The following GRB10 variants were observed in gnomAD, a reference collection of about 807,000 sequenced individuals.
The protein encoded by GRB10 is growth factor receptor-bound protein 10.
Under a neutral mutation model 80.9 loss-of-function variants are expected in GRB10, and 20 were observed. That is an observed-to-expected ratio of 0.25 (90% CI 0.17 to 0.36). The LOEUF (loss-of-function observed/expected upper bound fraction) is 0.36, where lower values mean the gene tolerates loss of function less well. Ranked by LOEUF, GRB10 falls within the 10% of genes least tolerant of loss-of-function variation. GRB10 has a pLI of 1.00. For missense variants in GRB10, 548 were observed against 747.7 expected (o/e 0.73, Z 3.12); for synonymous variants, 291 against 291.5 (o/e 1.00, Z 0.02).
chr7:50,764,322 C>T lies in GRB10; in HGVS notation c.-216-8266G>A, dbSNP rs995814959. Among the ~76,000 whole-genome samples, 3 of 152,338 alleles carry T rather than the reference C, an allele frequency of 2.0e-5. No individual in the cohort carries two copies. The South Asian group carries it at 6.2e-4, about 32-fold the overall frequency. On this transcript the variant is annotated intron_variant, in intron 2 of 18. Coordinates refer to ENST00000401949, the MANE Select transcript of GRB10 (RefSeq NM_001350814.2). ...ACACATCAGGCTTGCTAGTGCTGTT[C>T]TTCTTCCTGCCAACTTTTTTTGTGT...
At chr7:50,784,229 A>C (rs961042790), upstream of GRB10, among the ~76,000 whole-genome samples, 1 of 152,230 alleles carries the variant, frequency 6.6e-6, no homozygotes, top group African/African-American at 2.4e-5. Context: ...GAAGCACAGA[A>C]TCAAACCCTG....
intron 7 of GRB10, among the ~76,000 whole-genome samples, chr7:50,641,844 G>C (rs1045941232): frequency 5.3e-5 from 8 of 152,200 alleles, no homozygotes; most frequent in Non-Finnish European, 7.3e-5. Context: ...TCAGTGGCCT[G>C]AGGATTTACC....
intron 7 of GRB10, among the ~76,000 whole-genome samples, chr7:50,640,916 G>A (rs73113089): frequency 0.088 from 13,338 of 152,134 alleles, 891 homozygotes; most frequent in Non-Finnish European, 0.11. Context: ...CAGCTTTGCC[G>A]GATCCCAGCC....
chr7:50,706,759 T>A (rs1489366372), intron 4 of GRB10, among the ~76,000 whole-genome samples: 2 of 152,206 alleles, frequency 1.3e-5, no homozygotes, highest in Non-Finnish European at 2.9e-5. Flanking sequence ...GTAAAAAATG[T>A]CCATGAATGA....
rs192221670 is a variant in GRB10 at position 50,653,480 on chromosome 7, G to A, written c.504+16242C>T. On this transcript the variant is annotated intron_variant, in intron 7 of 18. Transcript: ENST00000401949. Reference sequence around the variant, plus strand: ...TGGGGGACTCAGGAAGAGATTTCAGGTCTGACATTTTCATCTCATAGGAAA... The same window carrying A: ...TGGGGGACTCAGGAAGAGATTTCAGATCTGACATTTTCATCTCATAGGAAA... 4.1e-4 allele frequency among the ~76,000 whole-genome samples: 63 copies of A among 152,320 alleles called. No individual in the cohort carries two copies. In the South Asian group the frequency reaches 6.0e-3, roughly 15 times the overall value.
At chr7:50,645,932 A>G (rs950236875) in intron 7 of GRB10, among the ~76,000 whole-genome samples, 1 of 152,192 alleles carries the variant, frequency 6.6e-6, no homozygotes, top group Non-Finnish European at 1.5e-5. Context: ...TTCCCATCGT[A>G]TTATAAGTGA....
At chr7:50,612,980 C>T (rs776319719) in intron 12 of GRB10, 141 bp from the exon 13 acceptor site, 1 of 708,006 alleles carries the variant, frequency 1.4e-6, no homozygotes, top group Admixed American at 2.0e-5. Flanking sequence ...GATACACACA[C>T]ACCTGTGTGT....
chr7:50,722,858 C>A (rs1253665546), intron 4 of GRB10, among the ~76,000 whole-genome samples: 1 of 152,100 alleles, frequency 6.6e-6, no homozygotes, highest in East Asian at 1.9e-4. Flanking sequence ...ATTTCACCCA[C>A]CTTAGGTAAA....
chr7:50,628,445 C>T (rs541421440), intron 7 of GRB10, among the ~76,000 whole-genome samples: 7 of 152,266 alleles, frequency 4.6e-5, no homozygotes, highest in African/African-American at 1.7e-4. Flanking sequence ...CCACCTTAAT[C>T]AGGAACTGGG....
intron 1 of GRB10, among the ~76,000 whole-genome samples, chr7:50,789,546 G>C (rs2078827765): frequency 6.6e-6 from 1 of 151,584 alleles, no homozygotes; most frequent in Admixed American, 6.5e-5. Context: ...GTCAAATAGA[G>C]CAGAAAAGAA....
intron 7 of GRB10, among the ~76,000 whole-genome samples, chr7:50,666,635 A>G (rs1241700346): frequency 6.6e-6 from 1 of 152,174 alleles, no homozygotes; most frequent in Non-Finnish European, 1.5e-5. Context: ...GCATGCTGTG[A>G]GGAGCGCCAG....
At chr7:50,669,639 A>C (rs2060159314) in intron 7 of GRB10, 83 bp downstream of exon 7, 2 of 1,370,560 alleles carry the variant, frequency 1.5e-6, no homozygotes, top group South Asian at 1.2e-5. Context: ...CCTTCTTCCC[A>C]AAGTAATAAT....
intron 2 of GRB10, among the ~76,000 whole-genome samples, chr7:50,771,928 T>C (rs137856504): frequency 1.4e-3 from 214 of 152,332 alleles, no homozygotes; most frequent in African/African-American, 5.0e-3. Flanking sequence ...GTCAGGATAT[T>C]ACAAAGGTAG....
chr7:50,790,412 GAA>G (rs112163168), intron 1 of GRB10, among the ~76,000 whole-genome samples: 2 of 149,138 alleles, frequency 1.3e-5, no homozygotes, highest in Non-Finnish European at 3.0e-5. Context: ...CCACTACCAG[GAA>G]AAAAAAAAGT....
At chr7:50,701,604 A>C (rs2064235497) in intron 5 of GRB10, among the ~76,000 whole-genome samples, 1 of 150,618 alleles carries the variant, frequency 6.6e-6, no homozygotes. Context: ...AAAATAAAAT[A>C]ATAATCATTC....
intron 17 of GRB10, among the ~76,000 whole-genome samples, chr7:50,601,443 A>C (rs937465758): frequency 7.9e-5 from 12 of 152,244 alleles, no homozygotes; most frequent in Non-Finnish European, 1.2e-4. Flanking sequence ...TTGGTGACAG[A>C]ACCATAGAGA....
rs536385892 is a variant in GRB10, at chr7:50,607,699, C to A, written c.1195-1285G>T. On this transcript the variant is annotated intron_variant, in intron 13 of 18. Coordinates refer to ENST00000401949, the MANE Select transcript of GRB10 (RefSeq NM_001350814.2). Reference sequence around the variant, plus strand: ...AGCTGCCCGCAGTCACGACTTTGAACGTACACGACCTGTTCCAGACCCAGT... The same window carrying A: ...AGCTGCCCGCAGTCACGACTTTGAAAGTACACGACCTGTTCCAGACCCAGT... 1.5e-3 allele frequency among the ~76,000 whole-genome samples: 230 copies of A among 152,322 alleles called. 1 individual carries two copies. Among genetic ancestry groups the A allele is most frequent in the African/African-American group, 5.3e-3 (221 of 41,562 alleles).
chr7:50,704,538 GTC>G (rs1428458596), intron 4 of GRB10, among the ~76,000 whole-genome samples: 2 of 152,234 alleles, frequency 1.3e-5, no homozygotes, highest in Admixed American at 1.3e-4. Flanking sequence ...GTAGAGAGAT[GTC>G]TGTTTTCTCT....
intron 2 of GRB10, among the ~76,000 whole-genome samples, chr7:50,757,611 A>G (rs1317832941): frequency 1.3e-5 from 2 of 152,260 alleles, no homozygotes; most frequent in African/African-American, 2.4e-5. Flanking sequence ...GAAGTTTGGA[A>G]AGTATCAAGA....
Sources: gnomAD v4.1 joint callset for allele counts (sites outside exome capture counted in the v4.1 genomes callset) on GRCh38, gnomAD v4.1.1 for gene constraint, MANE v1.5 for transcripts, NCBI Gene and HGNC (gene_info 2026-07-23, HGNC 2026-07-21) for gene names.